Variants in HYDIN observed in about 807,000 individuals in gnomAD.
The protein encoded by HYDIN is HYDIN axonemal central pair apparatus protein, also known as axonemal central pair apparatus protein HYDIN.
In HYDIN, 132 loss-of-function variants were observed where a neutral mutation model predicts 403.9. The observed-to-expected ratio is 0.33, with a 90% CI of 0.28 to 0.38. The LOEUF (loss-of-function observed/expected upper bound fraction) is 0.38, where lower values mean the gene tolerates loss of function less well. Ranked by LOEUF, HYDIN falls within the 10% of genes least tolerant of loss-of-function variation. The pLI is 1.00. For synonymous variants in HYDIN, 1,202 were observed against 1,891.7 expected (o/e 0.64, Z 9.46); for missense variants, 2,827 against 5,009.5 (o/e 0.56, Z 13.15).
At chr16:71,184,749 G>T in intron 3 of HYDIN, 116 bp downstream of exon 3, 1 of 867,840 alleles carries the variant, frequency 1.2e-6, no homozygotes, top group Non-Finnish European at 1.7e-6. Flanking sequence ...AAGGAGGATT[G>T]AAAACAAACC....
intron 60 of HYDIN, among the ~76,000 whole-genome samples, 180 bp downstream of exon 60, chr16:70,882,480 C>T (rs1234705781): frequency 3.9e-5 from 6 of 152,156 alleles, no homozygotes; most frequent in Non-Finnish European, 7.3e-5. Flanking sequence ...AGGAGACACC[C>T]ACTGGGACAA....
At chr16:71,195,214 G>A (rs1272673296) in intron 1 of HYDIN, among the ~76,000 whole-genome samples, 1 of 151,240 alleles carries the variant, frequency 6.6e-6, no homozygotes, top group Non-Finnish European at 1.5e-5. Flanking sequence ...TGCCTGGCAC[G>A]TAATTGTTAC....
rs766770665 is a variant in HYDIN, at chr16:70,833,874, A to G, written c.13679+13T>C. On this transcript the variant is annotated intron_variant, in intron 79 of 85. Coordinates refer to ENST00000393567, the MANE Select transcript of HYDIN (RefSeq NM_001270974.2). Reference sequence around the variant, plus strand: ...CTGGGGCAGCCTCAGGGTGGGAGACACTGCTCCCTTACCTTGCACCCACAT... The same window carrying G: ...CTGGGGCAGCCTCAGGGTGGGAGACGCTGCTCCCTTACCTTGCACCCACAT... The G allele has an allele frequency of 1.9e-6, 3 of 1,602,024 alleles. No individual in the cohort carries two copies. The African/African-American group carries it at 4.0e-5, about 21-fold the overall frequency.
intron 45 of HYDIN, among the ~76,000 whole-genome samples, chr16:70,932,513 C>CA (rs1478104321): frequency 7.9e-5 from 12 of 151,866 alleles, no homozygotes; most frequent in African/African-American, 2.9e-4. Context: ...GGTAGGCAGA[C>CA]AAAATCACAT....
chr16:71,214,682 G>A (rs2088781363), intron 1 of HYDIN, among the ~76,000 whole-genome samples: 1 of 152,216 alleles, frequency 6.6e-6, no homozygotes, highest in African/African-American at 2.4e-5. Context: ...ACAGAAATTA[G>A]TGCGTAAAAG....
At chr16:71,105,497 C>T (rs1221599028) in intron 10 of HYDIN, among the ~76,000 whole-genome samples, 5 of 119,122 alleles carry the variant, frequency 4.2e-5, no homozygotes, top group Non-Finnish European at 8.7e-5. Context: ...TTCTTTAATT[C>T]AATTAAGATA....
intron 1 of HYDIN, among the ~76,000 whole-genome samples, chr16:71,188,002 C>T (rs2087238473): frequency 6.6e-6 from 1 of 152,148 alleles, no homozygotes; most frequent in Non-Finnish European, 1.5e-5. Flanking sequence ...GGTGTTCCTT[C>T]CTTTGGTTCC....
intron 84 of HYDIN, 65 bp from the exon 85 acceptor site, chr16:70,810,072 C>A (rs2035370880): frequency 6.9e-7 from 1 of 1,454,566 alleles, no homozygotes; most frequent in Non-Finnish European, 9.6e-7. Context: ...CACCTAGAGA[C>A]CTGCCCAAGG....
At chr16:71,171,588 T>C (rs187056742) in intron 5 of HYDIN, among the ~76,000 whole-genome samples, 70 of 152,298 alleles carry the variant, frequency 4.6e-4, no homozygotes, top group Admixed American at 1.2e-3. Context: ...CCTAAAATCC[T>C]TGTTAGCCTT....
intron 24 of HYDIN, 105 bp downstream of exon 24, chr16:70,991,965 T>C: frequency 6.4e-7 from 1 of 1,570,812 alleles, no homozygotes; most frequent in Non-Finnish European, 8.6e-7. Context: ...AACTGTTGAC[T>C]GGGTACTGGA....
intron 1 of HYDIN, among the ~76,000 whole-genome samples, chr16:71,218,875 T>C (rs2089038074): frequency 1.3e-5 from 2 of 152,226 alleles, no homozygotes; most frequent in South Asian, 4.1e-4. Flanking sequence ...TGAGGTTTCA[T>C]ATGATATCAT....
chr16:70,857,911 T>G, intron 71 of HYDIN, 41 bp from the exon 72 acceptor site: 1 of 1,582,980 alleles, frequency 6.3e-7, no homozygotes. Flanking sequence ...AAGACACTTC[T>G]GTATGCTTAC....
At chr16:71,176,965 A>T (rs774341860) in intron 4 of HYDIN, among the ~76,000 whole-genome samples, 2 of 152,222 alleles carry the variant, frequency 1.3e-5, no homozygotes, top group South Asian at 2.1e-4. Flanking sequence ...GAAACTGTGA[A>T]CTAAAGAAGC....
chr16:70,931,556 T>G (rs1419855164), intron 45 of HYDIN, among the ~76,000 whole-genome samples: 4 of 151,590 alleles, frequency 2.6e-5, no homozygotes, highest in Non-Finnish European at 5.9e-5. Flanking sequence ...ACCTACGGAA[T>G]CGGAACCTCT....
Position 70,874,802 on chromosome 16 carries a change from C to T in HYDIN, c.10660+15G>A. 1 of 1,610,448 alleles carries T rather than the reference C, an allele frequency of 6.2e-7. No homozygotes were observed. Among genetic ancestry groups the T allele is most frequent in the Non-Finnish European group, 8.5e-7 (1 of 1,178,332 alleles). On this transcript the variant is annotated intron_variant, in intron 63 of 85. Transcript: ENST00000393567. ...GAGATCCATTGCCCTCTAGAAGCAC[C>T]CTCCCCACACTTACCTTTTACATGT...
Position 70,857,844 on chromosome 16 carries a change from A to G in HYDIN, c.12156T>C (p.His4052=), listed in dbSNP as rs2039123879. 6.2e-7 allele frequency: 1 copy of G among 1,613,110 alleles called. No homozygotes were observed. The highest frequency in any genetic ancestry group is 8.5e-7 in the Non-Finnish European group (1 of 1,179,758). Residue 4052 remains histidine (H), a synonymous_variant, in exon 72 of 86, where the codon CAT becomes CAC. Transcript: ENST00000393567. ...AEIVFQFTPF[H]LGITESSWTF... is the part of the protein sequence containing the mutation. Reference sequence around the variant, plus strand: ...TCCATGATGACTCAGTGATGCCCAGATGGAAAGGTGTGAACTGGAACACGA... The same window carrying G: ...TCCATGATGACTCAGTGATGCCCAGGTGGAAAGGTGTGAACTGGAACACGA...
intron 65 of HYDIN, among the ~76,000 whole-genome samples, chr16:70,871,097 C>G (rs1597177346): frequency 2.6e-5 from 4 of 151,874 alleles, no homozygotes; most frequent in Admixed American, 2.0e-4. Context: ...TAACCATGGT[C>G]TTAGAACTAT....
At position 71,211,923 on chromosome 16, in the gene HYDIN, T is replaced by C. The variant is rs2113276; in HGVS notation, c.-24+18639A>G. On this transcript the variant is annotated intron_variant, in intron 1 of 85. Transcript: ENST00000393567. ...CTAACATACAAGCTTGATGATATCTTCAAGGCACGGGAATCTAAGAAAAAA... is the reference window on the plus strand; with the variant it reads ...CTAACATACAAGCTTGATGATATCTCCAAGGCACGGGAATCTAAGAAAAAA... Among the ~76,000 whole-genome samples, 5 of 151,916 alleles carry C rather than the reference T, an allele frequency of 3.3e-5. No homozygotes were observed. In the South Asian group the frequency reaches 1.0e-3, roughly 31 times the overall value.
chr16:71,102,467 G>C (rs2083486286), intron 10 of HYDIN, among the ~76,000 whole-genome samples: 1 of 151,832 alleles, frequency 6.6e-6, no homozygotes, highest in African/African-American at 2.4e-5. Flanking sequence ...CTCATTATCA[G>C]AATTTTCACA....
Sources: gnomAD v4.1 joint callset for allele counts (sites outside exome capture counted in the v4.1 genomes callset) on GRCh38, gnomAD v4.1.1 for gene constraint, MANE v1.5 for transcripts, NCBI Gene and HGNC (gene_info 2026-07-23, HGNC 2026-07-21) for gene names.